CUX1: variants seen among roughly 807,000 people sequenced by gnomAD.
CUX1 encodes the protein cut like homeobox 1.
In CUX1, 31 loss-of-function variants were observed where a neutral mutation model predicts 158.8. That is an observed-to-expected ratio of 0.20 (90% CI 0.15 to 0.26). The LOEUF (loss-of-function observed/expected upper bound fraction) is 0.26, where lower values mean the gene tolerates loss of function less well. CUX1 is among the 10% of genes least tolerant of loss of function. The probability of loss-of-function intolerance (pLI) is 1.00; values close to 1 mark genes in which losing one functional copy is unlikely to be tolerated. For missense variants in CUX1, 1,589 were observed against 2,014.6 expected (o/e 0.79, Z 4.04); for synonymous variants, 879 against 862.1 (o/e 1.02, Z -0.34).
intron 2 of CUX1, among the ~76,000 whole-genome samples, chr7:101,943,078 CTTTTTTT>C (rs58332486): frequency 8.7e-5 from 7 of 80,332 alleles, no homozygotes; most frequent in African/African-American, 5.1e-5. Flanking sequence ...CTGGTCAGTG[CTTTTTTT>C]TTTTTTTTTT....
chr7:102,204,697 G>A, intron 19 of CUX1, 141 bp downstream of exon 19: 1 of 1,108,186 alleles, frequency 9.0e-7, no homozygotes, highest in Non-Finnish European at 1.3e-6. Flanking sequence ...ACCGTGGGCT[G>A]GTGCTGGGGG....
At chr7:102,098,785 A>T (rs201465) in intron 5 of CUX1, among the ~76,000 whole-genome samples, 38,441 of 140,274 alleles carry the variant, frequency 0.27, 5,837 homozygotes, top group Middle Eastern at 0.42. Context: ...GGACTACAGG[A>T]GCCCGCCACC....
chr7:101,931,639 C>T (rs1479815804), intron 2 of CUX1, among the ~76,000 whole-genome samples: 1 of 152,146 alleles, frequency 6.6e-6, no homozygotes. Context: ...AATCTCAGCT[C>T]ACTGCAACCT....
chr7:102,249,396 A>G lies in CUX1; in HGVS notation c.*354A>G. On this transcript the variant is annotated 3_prime_UTR_variant, in exon 24 of 24. Transcript: ENST00000292535. Reference sequence around the variant, plus strand: ...CGCCATAGGCCAAGGTGCATATAGAAAACAAAGGAGCATTAAGCCCAATCT... The same window carrying G: ...CGCCATAGGCCAAGGTGCATATAGAGAACAAAGGAGCATTAAGCCCAATCT... The G allele has an allele frequency of 3.0e-6, 3 of 990,640 alleles. No homozygotes were observed. Among genetic ancestry groups the G allele is most frequent in the Non-Finnish European group, 2.4e-6 (2 of 833,118 alleles). 61.4% of individuals were successfully genotyped at this position (990,640 alleles called of 1,614,324 possible).
At chr7:102,263,226 G>A (rs1790544053), downstream of CUX1, among the ~76,000 whole-genome samples, 1 of 149,978 alleles carries the variant, frequency 6.7e-6, no homozygotes, top group African/African-American at 2.5e-5. Flanking sequence ...CATTGGCCAG[G>A]CTGGTCTCAA....
At chr7:102,260,853 C>CT (rs1790355706), downstream of CUX1, among the ~76,000 whole-genome samples, 2 of 152,254 alleles carry the variant, frequency 1.3e-5, no homozygotes, top group African/African-American at 2.4e-5. Context: ...CAAAGCCCCT[C>CT]TGAGTGGCTG....
chr7:102,097,286 A>T, intron 4 of CUX1, 78 bp from the exon 5 acceptor site: 3 of 1,507,218 alleles, frequency 2.0e-6, no homozygotes, highest in Non-Finnish European at 2.7e-6. Flanking sequence ...CAGGAGCCCC[A>T]CTCTGAGCCT....
rs1242573099 is a variant in CUX1, at chr7:101,817,974, CAT to C, written c.30+308_30+309del. ...TCAAACGAAGCGGGTTGGATTAAAA[CAT>C]ATTTAAATGGAATCTGACAACTTTA... On this transcript the variant is annotated intron_variant, in intron 1 of 23. Transcript: ENST00000292535. This position sits in a 1 kb window ranked among gnomAD's most constrained non-coding sequence, Gnocchi z 4.1. 1.3e-5 allele frequency among the ~76,000 whole-genome samples: 2 copies of C among 152,170 alleles called. No homozygotes were observed. Among genetic ancestry groups the C allele is most frequent in the African/African-American group, 2.4e-5 (1 of 41,438 alleles).
chr7:102,080,491 G>T lies in CUX1; in HGVS notation c.268+10074G>T, dbSNP rs562917176. ...GTCTGCCGCATTGTGATGTCATCGC[G>T]GGGACGGTGCTCACAAGGGGGACAT... On this transcript the variant is annotated intron_variant, in intron 4 of 23. Coordinates refer to ENST00000292535, the MANE Select transcript of CUX1 (RefSeq NM_181552.4). Among the ~76,000 whole-genome samples, 8 of 152,256 alleles carry T rather than the reference G, an allele frequency of 5.3e-5. No individual in the cohort carries two copies. In the East Asian group the frequency reaches 1.5e-3, roughly 29 times the overall value.
intron 4 of CUX1, among the ~76,000 whole-genome samples, chr7:102,090,190 A>C (rs1391461843): frequency 1.3e-5 from 2 of 152,336 alleles, no homozygotes; most frequent in East Asian, 1.9e-4. Context: ...CTATCTTTAC[A>C]AAAATAGGAT....
intron 2 of CUX1, among the ~76,000 whole-genome samples, chr7:101,930,003 G>A (rs1156888822): frequency 3.9e-5 from 6 of 152,054 alleles, no homozygotes; most frequent in South Asian, 4.1e-4. Context: ...CACCATGCCC[G>A]GCTAATTTTT....
Position 102,117,850 on chromosome 7 carries a change from G to A in CUX1, c.674+2577G>A, listed in dbSNP as rs1831599168. Among the ~76,000 whole-genome samples, 5 of 152,310 alleles carry A rather than the reference G, an allele frequency of 3.3e-5. No individual in the cohort carries two copies. The South Asian group carries it at 1.0e-3, about 32-fold the overall frequency. On this transcript the variant is annotated intron_variant, in intron 8 of 23. Coordinates refer to ENST00000292535, the MANE Select transcript of CUX1 (RefSeq NM_181552.4). Reference sequence around the variant, plus strand: ...TCCGAACGATTTGCCTGTGGGGTAGGATGGGGCAGCCTGGTGGGGCATTTC... The same window carrying A: ...TCCGAACGATTTGCCTGTGGGGTAGAATGGGGCAGCCTGGTGGGGCATTTC...
intron 1 of CUX1, among the ~76,000 whole-genome samples, chr7:101,880,204 G>A (rs532681981): frequency 3.9e-5 from 6 of 152,208 alleles, no homozygotes; most frequent in East Asian, 1.9e-4. Flanking sequence ...AAAAAACTCC[G>A]AGGAACAGGT....
chr7:102,128,146 C>T (rs1160034351), intron 8 of CUX1, among the ~76,000 whole-genome samples: 1 of 152,216 alleles, frequency 6.6e-6, no homozygotes, highest in African/African-American at 2.4e-5. Context: ...CCGGCTGTGG[C>T]ATCTTGAGGT....
intron 18 of CUX1, 75 bp downstream of exon 18, chr7:102,202,279 C>G (rs1464842906): frequency 6.6e-7 from 1 of 1,514,406 alleles, no homozygotes; most frequent in African/African-American, 1.4e-5. Flanking sequence ...TATCCCGCAG[C>G]CTGTGACCCT....
intron 1 of CUX1, among the ~76,000 whole-genome samples, chr7:101,845,314 C>T (rs989422693): frequency 4.6e-5 from 7 of 152,160 alleles, no homozygotes; most frequent in Non-Finnish European, 5.9e-5. Context: ...ACATTAGCCT[C>T]ATTCTCAAAC....
intron 3 of CUX1, among the ~76,000 whole-genome samples, chr7:102,044,961 A>G (rs529596691): frequency 2.9e-4 from 44 of 152,236 alleles, no homozygotes; most frequent in African/African-American, 1.1e-3. Context: ...CTCAGCCAGT[A>G]TGTCTGTCCG....
chr7:102,050,842 A>G (rs570882292), intron 3 of CUX1, among the ~76,000 whole-genome samples: 3 of 151,978 alleles, frequency 2.0e-5, no homozygotes, highest in African/African-American at 4.8e-5. Flanking sequence ...AGCTGGGACT[A>G]TGGGCACATG....
chr7:102,027,175 AG>A (rs1470999296), intron 2 of CUX1, among the ~76,000 whole-genome samples: 89 of 152,240 alleles, frequency 5.8e-4, no homozygotes, highest in Non-Finnish European at 1.5e-5. Context: ...ACCTGAGATT[AG>A]GAGTTCCAGA....
Sources: gnomAD v4.1 joint callset for allele counts (sites outside exome capture counted in the v4.1 genomes callset) on GRCh38, gnomAD v4.1.1 for gene constraint, Gnocchi (gnomAD v3.1) non-coding constraint, MANE v1.5 for transcripts, NCBI Gene and HGNC (gene_info 2026-07-23, HGNC 2026-07-21) for gene names.